ZC3H7B: variants seen among roughly 807,000 people sequenced by gnomAD.
The protein encoded by ZC3H7B is zinc finger CCCH-type containing 7B.
Under a neutral mutation model 116.0 loss-of-function variants are expected in ZC3H7B, and 35 were observed. The ratio of observed to expected loss-of-function variants is 0.30; its 90% CI spans 0.23 to 0.40. The LOEUF (loss-of-function observed/expected upper bound fraction) is 0.40. Among genes scored for constraint, ZC3H7B ranks in the 10% least tolerant of loss-of-function variants. The pLI, the probability that ZC3H7B is intolerant of heterozygous loss-of-function variation, is 1.00. For missense variants in ZC3H7B, 1,011 were observed against 1,321.5 expected, an observed-to-expected ratio of 0.77 and a Z score of 3.64; for synonymous variants, 502 against 545.6, an observed-to-expected ratio of 0.92 and a Z score of 1.11.
At position 41,341,229 on chromosome 22, in the gene ZC3H7B, A is replaced by G. The variant is rs1401744009; in HGVS notation, c.1197+83A>G. 9 of 1,542,960 alleles carry G rather than the reference A, an allele frequency of 5.8e-6. No individual in the cohort carries two copies. The African/African-American group carries it at 8.2e-5, about 14-fold the overall frequency. Reference sequence around the variant, plus strand: ...TAGAGTTGGGGAATGAGCCCTCTGCATGGGGTAAGGCACTGCATTCCCCAC... The same window carrying G: ...TAGAGTTGGGGAATGAGCCCTCTGCGTGGGGTAAGGCACTGCATTCCCCAC... On this transcript the variant is annotated intron_variant, in intron 11 of 22. Coordinates refer to ENST00000352645, the MANE Select transcript of ZC3H7B (RefSeq NM_017590.6).
At chr22:41,348,988 A>G in intron 15 of ZC3H7B, 132 bp from the exon 16 acceptor site, 1 of 1,005,132 alleles carries the variant, frequency 9.9e-7, no homozygotes, top group East Asian at 2.6e-5. Context: ...TGTGTCATCC[A>G]TGGCCTGGAT....
intron 1 of ZC3H7B, among the ~76,000 whole-genome samples, chr22:41,317,561 G>C (rs1345862512): frequency 2.6e-5 from 4 of 152,022 alleles, no homozygotes; most frequent in Non-Finnish European, 5.9e-5. Flanking sequence ...AGACTCAGGT[G>C]GGAGGATTTC....
Position 41,357,662 on chromosome 22 carries a change from A to C in ZC3H7B, c.*233A>C, listed in dbSNP as rs1210858767. On this transcript the variant is annotated 3_prime_UTR_variant, in exon 23 of 23. Coordinates refer to ENST00000352645, the MANE Select transcript of ZC3H7B (RefSeq NM_017590.6). The surrounding 1 kb of genome is among the most constrained non-coding windows in gnomAD (Gnocchi z 5.4). ...CTGAAACCTGGGCTGCCCTTCCCCC[A>C]CCCCCACGGCTCTCCTGGTTGAGGA... is the stretch of plus-strand genomic sequence containing the variant. 1.0e-5 allele frequency: 6 copies of C among 573,712 alleles called. No homozygotes were observed. Among genetic ancestry groups the C allele is most frequent in the South Asian group, 4.6e-5 (2 of 43,292 alleles). 35.5% of individuals were successfully genotyped at this position (573,712 alleles called of 1,614,324 possible).
chr22:41,333,539 T>C (rs1035433952), intron 7 of ZC3H7B: 1 of 152,032 alleles, frequency 6.6e-6, no homozygotes, highest in Non-Finnish European at 1.5e-5. Context: ...GGCAGGAGAA[T>C]CACTTGAACC....
Position 41,356,708 on chromosome 22 carries a change from A to G in ZC3H7B, c.2581A>G (p.Ile861Val), listed in dbSNP as rs2036723258. The G allele has an allele frequency of 1.2e-6, 2 of 1,613,506 alleles. No individual in the cohort carries two copies. The highest frequency in any genetic ancestry group is 1.7e-6 in the Non-Finnish European group (2 of 1,179,994). The change falls in exon 22 of 23, where the codon ATC becomes GTC. Residue 861 changes from isoleucine (I) to valine (V), a missense_variant. Transcript: ENST00000352645. ...SNSKKQWQQH[I>V]QSEKHKEKVF... is the part of the protein sequence containing the mutation. The stretch of plus-strand genomic sequence containing the variant: ...CAGCAAGAAGCAGTGGCAGCAGCAC[A>G]TCCAGTCCGAGAAGCACAAGGAGAA...
rs73416845 is a variant in ZC3H7B at position 41,356,509 on chromosome 22, G to A, written c.2517+33G>A. ...CTCCGCCCTGCATGCTCGGGGCTGC[G>A]GTCGGGGCTGTGGTCTGAGCCTCAC... On this transcript the variant is annotated intron_variant, in intron 21 of 22. Coordinates refer to ENST00000352645, the MANE Select transcript of ZC3H7B (RefSeq NM_017590.6). The A allele has an allele frequency of 1.8e-3, 2,846 of 1,613,176 alleles. 57 individuals are homozygous for A. The African/African-American group carries it at 0.035, about 20-fold the overall frequency.
chr22:41,325,615 G>A lies in ZC3H7B; in HGVS notation c.87+18G>A. On this transcript the variant is annotated intron_variant, in intron 3 of 22. Coordinates refer to ENST00000352645, the MANE Select transcript of ZC3H7B (RefSeq NM_017590.6). ...AATATGAGGTGAGTGTCAGCTGCCA[G>A]GCTGAGCAAAGGTGAAGGGCGGAGA... is the stretch of plus-strand genomic sequence containing the variant. 1 of 1,611,662 alleles carries A rather than the reference G, an allele frequency of 6.2e-7. No homozygotes were observed.
chr22:41,313,123 CTT>C (rs777637760), intron 1 of ZC3H7B, among the ~76,000 whole-genome samples: 10 of 144,792 alleles, frequency 6.9e-5, no homozygotes, highest in Non-Finnish European at 1.4e-4. Flanking sequence ...TTGGGTCAGA[CTT>C]TTTTTTTTTT....
Position 41,357,296 on chromosome 22 carries a change from G to A in ZC3H7B, c.2801G>A (p.Arg934His), listed in dbSNP as rs780104280. ...EVLKQKLAKA[R>H]KDMLLCPRDD... ...CTGAAGCAGAAGTTGGCCAAGGCTC[G>A]CAAGGACATGCTGCTGTGCCCACGG... Residue 934 changes from arginine (R) to histidine (H), a missense_variant, in exon 23 of 23, where the codon CGC becomes CAC. Arg to His is a conservative substitution (Grantham distance 29, BLOSUM62 0). This residue lies in a region of ZC3H7B where 406 missense variants were observed against 590.2 expected (regional missense o/e 0.69). Transcript: ENST00000352645. This position sits in a 1 kb window ranked among gnomAD's most constrained non-coding sequence, Gnocchi z 5.4. 7 of 1,613,692 alleles carry A rather than the reference G, an allele frequency of 4.3e-6. No individual in the cohort carries two copies. The highest frequency in any genetic ancestry group is 2.2e-5 in the East Asian group (1 of 44,894).
At position 41,351,638 on chromosome 22, in the gene ZC3H7B, A is replaced by G. The variant is rs1301478530; in HGVS notation, c.2026A>G (p.Ser676Gly). Residue 676 changes from serine to glycine, a missense_variant, in exon 17 of 23, where the codon AGC becomes GGC. By Grantham distance (56) the Ser-to-Gly change is moderately conservative. Transcript: ENST00000352645. This position sits in a 1 kb window ranked among gnomAD's most constrained non-coding sequence, Gnocchi z 5.1. ...QMEAHAGKAS[S>G]SMGAPRTHGP... ...GGAGGCGCATGCGGGGAAGGCCAGCAGCAGCATGGTAAGGCCTTCTGATAC... is the reference window on the plus strand; with the variant it reads ...GGAGGCGCATGCGGGGAAGGCCAGCGGCAGCATGGTAAGGCCTTCTGATAC... 6.2e-7 allele frequency: 1 copy of G among 1,613,902 alleles called. No individual in the cohort carries two copies. Among genetic ancestry groups the G allele is most frequent in the Non-Finnish European group, 8.5e-7 (1 of 1,179,928 alleles).
At chr22:41,312,013 C>G (rs1209921297) in intron 1 of ZC3H7B, among the ~76,000 whole-genome samples, 1 of 152,034 alleles carries the variant, frequency 6.6e-6, no homozygotes, top group African/African-American at 2.4e-5. Context: ...AAGGTTGCTT[C>G]TAGTTTTCCA....
intron 1 of ZC3H7B, among the ~76,000 whole-genome samples, chr22:41,311,131 G>A (rs1165060029): frequency 1.3e-5 from 2 of 150,034 alleles, no homozygotes; most frequent in Admixed American, 6.7e-5. Flanking sequence ...TGTGCACATC[G>A]GTTTTGAGTG....
rs761977340 is a variant in ZC3H7B, at chr22:41,338,269, G to A, written c.583-44G>A. ...GGGGCTGGTGCTGGGTGCTGGGATC[G>A]GGGCCTTCCCAGCCACAGCGCCACT... On this transcript the variant is annotated intron_variant, in intron 7 of 22. Coordinates refer to ENST00000352645, the MANE Select transcript of ZC3H7B (RefSeq NM_017590.6). This position sits in a 1 kb window ranked among gnomAD's most constrained non-coding sequence, Gnocchi z 4.5. 4 of 1,602,588 alleles carry A rather than the reference G, an allele frequency of 2.5e-6. No homozygotes were observed. Among genetic ancestry groups the A allele is most frequent in the Admixed American group, 1.7e-5 (1 of 58,794 alleles).
At chr22:41,352,294 CAG>C (rs1302777691) in intron 17 of ZC3H7B, among the ~76,000 whole-genome samples, 7 of 152,210 alleles carry the variant, frequency 4.6e-5, no homozygotes, top group Non-Finnish European at 8.8e-5. Flanking sequence ...GCTCACACAT[CAG>C]GGGATGCGTC....
intron 15 of ZC3H7B, among the ~76,000 whole-genome samples, chr22:41,348,826 C>T (rs923518979): frequency 6.6e-6 from 1 of 152,168 alleles, no homozygotes; most frequent in African/African-American, 2.4e-5. Context: ...GATGCAGGAC[C>T]GGCTCTGCAG....
intron 5 of ZC3H7B, among the ~76,000 whole-genome samples, chr22:41,328,546 C>T (rs1403252216): frequency 6.6e-6 from 1 of 152,148 alleles, no homozygotes; most frequent in African/African-American, 2.4e-5. Flanking sequence ...AGTTTGTAGC[C>T]ACCTGTTTCT....
chr22:41,345,093 G>A (rs1247548275), intron 13 of ZC3H7B, among the ~76,000 whole-genome samples: 1 of 152,100 alleles, frequency 6.6e-6, no homozygotes, highest in African/African-American at 2.4e-5. Flanking sequence ...AGGATTACAG[G>A]CATGAGCCAC....
At chr22:41,356,549 C>G in intron 21 of ZC3H7B, 73 bp downstream of exon 21, 1 of 1,609,374 alleles carries the variant, frequency 6.2e-7, no homozygotes, top group Non-Finnish European at 8.5e-7. Flanking sequence ...GAGGGGCAGC[C>G]TGGAGGGCCC....
chr22:41,322,100 A>G (rs1016571871), intron 2 of ZC3H7B, among the ~76,000 whole-genome samples: 2 of 151,208 alleles, frequency 1.3e-5, no homozygotes, highest in African/African-American at 4.9e-5. Context: ...CGGCCTCCCA[A>G]AGTGCTGGGA....
Sources: allele counts gnomAD v4.1 joint callset (sites outside exome capture counted in the v4.1 genomes callset), GRCh38; gene constraint gnomAD v4.1.1; regional missense constraint gnomAD v4.1.1; non-coding constraint Gnocchi (gnomAD v3.1); transcripts MANE v1.5; gene names NCBI Gene and HGNC (gene_info 2026-07-23, HGNC 2026-07-21).